VWA5B1: variants seen among roughly 807,000 people sequenced by gnomAD.
VWA5B1 encodes the protein von Willebrand factor A domain containing 5B1, also known as von Willebrand factor A domain-containing protein 5B1.
In VWA5B1, 115 loss-of-function variants were observed where a neutral mutation model predicts 118.2. That is an observed-to-expected ratio of 0.97 (90% CI 0.84 to 1.14). The LOEUF is 1.14. VWA5B1 is among the 50% of genes most tolerant of loss of function. The pLI is 0.00. For synonymous variants in VWA5B1, 682 were observed against 658.4 expected (o/e 1.04, Z -0.55); for missense variants, 1,596 against 1,603.8 (o/e 1.00, Z 0.08).
At position 20,343,275 on chromosome 1, in the gene VWA5B1, G is replaced by A; in HGVS notation, c.2508G>A (p.Pro836=). 6.5e-7 allele frequency: 1 copy of A among 1,548,142 alleles called. No individual in the cohort carries two copies. Among genetic ancestry groups the A allele is most frequent in the African/African-American group, 1.4e-5 (1 of 73,142 alleles). Residue 836 remains proline, a synonymous_variant, in exon 16 of 22, where the codon CCG becomes CCA. Coordinates refer to ENST00000289815, the MANE Select transcript of VWA5B1 (RefSeq NM_001039500.3). ...EVSFELGTPG[P]ERGGAQDADL... is the part of the protein sequence containing the mutation. ...GCTTCGAGCTGGGGACCCCTGGACC[G>A]GAGCGGGGCGGCGCGCAGGATGCCG...
chr1:20,336,377 C>T lies in VWA5B1; in HGVS notation c.1833C>T (p.Asp611=), dbSNP rs376556845. Residue 611 remains aspartate (D), a synonymous_variant, in exon 13 of 22, where the codon GAC becomes GAT. Coordinates refer to ENST00000289815, the MANE Select transcript of VWA5B1 (RefSeq NM_001039500.3). ...CTGTCTTCTACCACTCTCAGGATGA[C>T]GGACCCGGGCTGGAAGGTGGAGACT... ...GSSVFYHSQD[D]GPGLEGGDCA... 1.4e-5 allele frequency: 22 copies of T among 1,526,844 alleles called. No individual in the cohort carries two copies. In the East Asian group the frequency reaches 1.8e-4, roughly 12 times the overall value. 94.6% of individuals were successfully genotyped at this position (1,526,844 alleles called of 1,614,324 possible).
intron 18 of VWA5B1, chr1:20,349,125 T>C (rs1342109043): frequency 2.5e-6 from 1 of 398,904 alleles, no homozygotes. Flanking sequence ...CAGACATTGA[T>C]GGGTTTTAAA....
In VWA5B1 at chr1:20,310,565, G is replaced by A. The variant is rs1570083561; in HGVS notation, c.-26-11G>A. Reference sequence around the variant, plus strand: ...CCTCTTCCCACTTCCTGCCCTTCCTGTGTCTCACAGGTTCTGAAGGCTGAG... The same window carrying A: ...CCTCTTCCCACTTCCTGCCCTTCCTATGTCTCACAGGTTCTGAAGGCTGAG... On this transcript the variant is annotated splice_polypyrimidine_tract_variant and intron_variant, in intron 1 of 21. Transcript: ENST00000289815. 6.7e-7 allele frequency: 1 copy of A among 1,482,414 alleles called. No individual in the cohort carries two copies. The highest frequency in any genetic ancestry group is 1.4e-5 in the South Asian group (1 of 72,542). 91.8% of individuals were successfully genotyped at this position (1,482,414 alleles called of 1,614,324 possible).
At chr1:20,337,499 C>T (rs890200223) in intron 13 of VWA5B1, 147 bp from the exon 14 acceptor site, 31 of 874,982 alleles carry the variant, frequency 3.5e-5, no homozygotes, top group Non-Finnish European at 5.1e-5. Context: ...TCCGGAGAGG[C>T]TTTGGATGCC....
intron 11 of VWA5B1, 74 bp downstream of exon 11, chr1:20,331,057 A>C: frequency 2.1e-5 from 27 of 1,295,490 alleles, no homozygotes; most frequent in Non-Finnish European, 2.7e-5. Context: ...ATGGCAACTC[A>C]GTGGTGGAGC....
chr1:20,332,882 C>T lies in VWA5B1; in HGVS notation c.1689C>T (p.Phe563=), dbSNP rs1172587219. ...LVSPVSASSL[F]PGERLVGYGI... ...CACCCGTCAGCGCCAGCTCCCTCTT[C>T]CCTGGAGAACGGCTGGTGGGGTATG... The change falls in exon 12 of 22, where the codon TTC becomes TTT. Residue 563 remains phenylalanine (F), a synonymous_variant. Coordinates refer to ENST00000289815, the MANE Select transcript of VWA5B1 (RefSeq NM_001039500.3). The T allele has an allele frequency of 6.4e-7, 1 of 1,552,012 alleles. No individual in the cohort carries two copies. Among genetic ancestry groups the T allele is most frequent in the South Asian group, 1.2e-5 (1 of 84,066 alleles).
At chr1:20,313,723 A>T (rs1303154202) in intron 3 of VWA5B1, among the ~76,000 whole-genome samples, 1 of 152,242 alleles carries the variant, frequency 6.6e-6, no homozygotes. Flanking sequence ...GTGAGCACTC[A>T]TCCTGTGTAA....
At chr1:20,328,139 C>T (rs886495412) in intron 9 of VWA5B1, 139 bp downstream of exon 9, 15 of 753,716 alleles carry the variant, frequency 2.0e-5, no homozygotes, top group African/African-American at 5.3e-5. Context: ...AGATCACACC[C>T]GGGGGCAGAG....
Position 20,337,829 on chromosome 1 carries a change from A to AT in VWA5B1, c.2129dup (p.Leu710PhefsTer54). The AT allele has an allele frequency of 6.4e-7, 1 of 1,551,712 alleles. No individual in the cohort carries two copies. Among genetic ancestry groups the AT allele is most frequent in the Non-Finnish European group, 8.7e-7 (1 of 1,146,986 alleles). On this transcript the variant is annotated frameshift_variant, in exon 14 of 22. Coordinates refer to ENST00000289815, the MANE Select transcript of VWA5B1 (RefSeq NM_001039500.3). LOFTEE classifies it high-confidence loss of function. ...CTGGATGTCCAGCGGTGGCAGATTG[A>AT]TTTGCAGGTACCCAAGCAGGACAGA...
intron 7 of VWA5B1, 80 bp downstream of exon 7, chr1:20,319,586 G>A: frequency 2.0e-6 from 3 of 1,525,654 alleles, no homozygotes; most frequent in Non-Finnish European, 2.6e-6. Context: ...AACAAGTGAG[G>A]TGGGGAGGTA....
intron 14 of VWA5B1, 85 bp downstream of exon 14, chr1:20,337,921 T>A: frequency 6.6e-7 from 1 of 1,517,616 alleles, no homozygotes; most frequent in South Asian, 1.2e-5. Flanking sequence ...CCGCAGGACG[T>A]GGCCATCCAC....
At chr1:20,308,502 G>A (rs1028405588) in intron 1 of VWA5B1, among the ~76,000 whole-genome samples, 3 of 152,138 alleles carry the variant, frequency 2.0e-5, no homozygotes, top group Non-Finnish European at 4.4e-5. Flanking sequence ...AGTGAACATT[G>A]GGAGGGGGGA....
At position 20,345,525 on chromosome 1, in the gene VWA5B1, C is replaced by T; in HGVS notation, c.2696C>T (p.Thr899Ile). Residue 899 changes from threonine (T) to isoleucine (I), a missense_variant, in exon 17 of 22, where the codon ACA becomes ATA. Physicochemically the swap from Thr to Ile is moderately conservative, Grantham distance 89 (BLOSUM62 -1). Coordinates refer to ENST00000289815, the MANE Select transcript of VWA5B1 (RefSeq NM_001039500.3). ...GCCTGCAACATCATTAGCAAATACA[C>T]AGCCTTCGTGCCTGTGGACGTGAGC... ...SKACNIISKYTAFVPVDVSKS... is the reference protein window; with the variant it reads ...SKACNIISKYIAFVPVDVSKS... 6.4e-7 allele frequency: 1 copy of T among 1,551,266 alleles called. No individual in the cohort carries two copies. The highest frequency in any genetic ancestry group is 8.7e-7 in the Non-Finnish European group (1 of 1,146,988).
At chr1:20,323,047 G>A (rs755299610) in intron 7 of VWA5B1, 21 of 215,626 alleles carry the variant, frequency 9.7e-5, no homozygotes, top group Middle Eastern at 1.4e-3. Context: ...CCTGAGAAGC[G>A]GACATTATTC....
At chr1:20,305,522 G>A (rs2088625111) in intron 1 of VWA5B1, among the ~76,000 whole-genome samples, 1 of 152,068 alleles carries the variant, frequency 6.6e-6, no homozygotes, top group Non-Finnish European at 1.5e-5. Context: ...AAGGAGAAGG[G>A]TTTTGACAGG....
intron 17 of VWA5B1, among the ~76,000 whole-genome samples, chr1:20,346,807 T>G (rs1180799723): frequency 6.6e-6 from 1 of 152,250 alleles, no homozygotes; most frequent in African/African-American, 2.4e-5. Context: ...TCCCCTGCTT[T>G]TTATTAGCAG....
intron 1 of VWA5B1, among the ~76,000 whole-genome samples, chr1:20,304,341 A>G (rs10916755): frequency 0.47 from 70,998 of 151,910 alleles, 17,336 homozygotes; most frequent in African/African-American, 0.61. Flanking sequence ...TGAAGGCAAA[A>G]GAGGCAAAGG....
At chr1:20,342,371 TCTCCTCCTC>T in intron 14 of VWA5B1, 52 bp from the exon 15 acceptor site, 2 of 1,482,144 alleles carry the variant, frequency 1.3e-6, no homozygotes, top group Non-Finnish European at 9.1e-7. Flanking sequence ...TCCTCCTCCT[TCTCCTCCTC>T]CTCCTCCTCC....
chr1:20,350,734 C>T (rs2090111586), intron 19 of VWA5B1, 123 bp from the exon 20 acceptor site: 13 of 884,828 alleles, frequency 1.5e-5, no homozygotes, highest in South Asian at 4.3e-5. Context: ...ATGGTTAGCT[C>T]GAGTCCCTAG....
Sources: gnomAD v4.1 joint callset for allele counts (sites outside exome capture counted in the v4.1 genomes callset) on GRCh38, gnomAD v4.1.1 for gene constraint, MANE v1.5 for transcripts, NCBI Gene and HGNC (gene_info 2026-07-23, HGNC 2026-07-21) for gene names.